The following AGBL4 variants were observed in gnomAD, a reference collection of about 807,000 sequenced individuals.
AGBL4 encodes the protein cytosolic carboxypeptidase 6.
In AGBL4, 58 loss-of-function variants were observed where a neutral mutation model predicts 66.4. The observed-to-expected ratio is 0.87, with a 90% confidence interval of 0.71 to 1.09. The LOEUF (loss-of-function observed/expected upper bound fraction) is 1.09. AGBL4 is among the 50% of genes least tolerant of loss of function. The pLI, the probability that AGBL4 is intolerant of heterozygous loss-of-function variation, is 0.00. For synonymous variants in AGBL4, 234 were observed against 222.9 expected (o/e 1.05, Z -0.44); for missense variants, 579 against 631.0 (o/e 0.92, Z 0.88).
intron 9 of AGBL4, among the ~76,000 whole-genome samples, chr1:48,621,728 A>G (rs183105094): frequency 7.3e-4 from 111 of 152,294 alleles, no homozygotes; most frequent in African/African-American, 2.5e-3. Flanking sequence ...AACATCCATT[A>G]TATGAATGTA....
At chr1:49,549,774 T>C (rs1171132370) in intron 3 of AGBL4, among the ~76,000 whole-genome samples, 1 of 152,224 alleles carries the variant, frequency 6.6e-6, no homozygotes, top group African/African-American at 2.4e-5. Flanking sequence ...GGATGAAATG[T>C]TCTGCATATA....
intron 2 of AGBL4, among the ~76,000 whole-genome samples, chr1:49,839,178 G>A (rs1645926990): frequency 6.6e-6 from 1 of 152,132 alleles, no homozygotes; most frequent in South Asian, 2.1e-4. Flanking sequence ...TATACCAGTA[G>A]ATACATAACT....
intron 3 of AGBL4, among the ~76,000 whole-genome samples, chr1:49,463,240 C>G (rs978995574): frequency 6.6e-6 from 1 of 151,628 alleles, no homozygotes; most frequent in Non-Finnish European, 1.5e-5. Flanking sequence ...TGACTTGACT[C>G]TAGCCCATGC....
intron 1 of AGBL4, among the ~76,000 whole-genome samples, chr1:49,906,116 C>CTG (rs59711282): frequency 0.083 from 12,190 of 147,268 alleles, 997 homozygotes; most frequent in African/African-American, 0.23. Context: ...AAACAGGACT[C>CTG]TGTGTGTGTG....
At chr1:49,020,978 G>C (rs776058875) in intron 5 of AGBL4, among the ~76,000 whole-genome samples, 1 of 152,144 alleles carries the variant, frequency 6.6e-6, no homozygotes, top group South Asian at 2.1e-4. Context: ...GTTAGATTCT[G>C]ATGCAAGTCT....
intron 4 of AGBL4, among the ~76,000 whole-genome samples, chr1:49,121,276 G>A (rs1038870732): frequency 5.3e-5 from 8 of 152,164 alleles, no homozygotes; most frequent in Non-Finnish European, 1.0e-4. Flanking sequence ...ATCCTTTGGA[G>A]GAGAAGAGGC....
intron 6 of AGBL4, among the ~76,000 whole-genome samples, chr1:48,804,764 A>G (rs1466804025): frequency 6.6e-6 from 1 of 152,184 alleles, no homozygotes; most frequent in Non-Finnish European, 1.5e-5. Flanking sequence ...GTCTGGTGAG[A>G]TGAAGTGAGG....
chr1:48,720,482 C>T (rs1440833562), intron 6 of AGBL4, among the ~76,000 whole-genome samples: 1 of 152,216 alleles, frequency 6.6e-6, no homozygotes, highest in Non-Finnish European at 1.5e-5. Flanking sequence ...GATGCCAGTT[C>T]AGGCTCCTCC....
At chr1:49,301,473 A>C (rs1644743791) in intron 3 of AGBL4, among the ~76,000 whole-genome samples, 1 of 152,216 alleles carries the variant, frequency 6.6e-6, no homozygotes, top group Non-Finnish European at 1.5e-5. Context: ...AAGTATGCTA[A>C]TAGTCCCTTC....
chr1:49,322,429 G>A (rs959000312), intron 3 of AGBL4, among the ~76,000 whole-genome samples: 1 of 152,194 alleles, frequency 6.6e-6, no homozygotes, highest in African/African-American at 2.4e-5. Flanking sequence ...TAGGTTGAAT[G>A]ACAGTCGTCC....
At chr1:49,103,328 T>A (rs1645236737) in intron 4 of AGBL4, among the ~76,000 whole-genome samples, 1 of 152,052 alleles carries the variant, frequency 6.6e-6, no homozygotes, top group South Asian at 2.1e-4. Flanking sequence ...TCCAGAGAGG[T>A]CAGAGGGTCA....
chr1:49,274,800 C>G (rs1326481017), intron 3 of AGBL4, among the ~76,000 whole-genome samples: 1 of 152,006 alleles, frequency 6.6e-6, no homozygotes, highest in East Asian at 1.9e-4. Context: ...TCAAGCAGAA[C>G]AAGAGTTAAT....
intron 1 of AGBL4, among the ~76,000 whole-genome samples, chr1:49,920,853 A>G (rs560194245): frequency 6.6e-5 from 10 of 152,356 alleles, no homozygotes; most frequent in South Asian, 2.1e-4. Context: ...CTGTCCATCA[A>G]TGAAAGACTG....
At chr1:49,703,708 G>A (rs1030251275) in intron 2 of AGBL4, among the ~76,000 whole-genome samples, 1 of 151,822 alleles carries the variant, frequency 6.6e-6, no homozygotes, top group Non-Finnish European at 1.5e-5. Flanking sequence ...AAAGACCCAA[G>A]CTATTGCAAT....
chr1:49,155,248 T>C (rs954286561), intron 4 of AGBL4, among the ~76,000 whole-genome samples: 1 of 152,256 alleles, frequency 6.6e-6, no homozygotes, highest in African/African-American at 2.4e-5. Flanking sequence ...TTCAAAGACA[T>C]CAGTAACTTG....
rs568016003 is a variant in AGBL4, at chr1:49,573,970, G to A, written c.282+123343C>T. Among the ~76,000 whole-genome samples the A allele has an allele frequency of 5.9e-5, 9 of 152,268 alleles. No homozygotes were observed. The South Asian group carries it at 1.9e-3, about 32-fold the overall frequency. ...ATCAGCCTGTCGATCTTTGTCTGAG[G>A]AGATAAACCCTGTGCTGCCTGAGGC... On this transcript the variant is annotated intron_variant, in intron 3 of 13. Transcript: ENST00000371839.
chr1:49,204,840 G>A (rs1372719869), intron 4 of AGBL4, among the ~76,000 whole-genome samples: 1 of 152,036 alleles, frequency 6.6e-6, no homozygotes, highest in Admixed American at 6.6e-5. Context: ...AGCTATGAGT[G>A]CTATTCAGAT....
intron 9 of AGBL4, among the ~76,000 whole-genome samples, chr1:48,614,136 G>C (rs540121908): frequency 6.6e-6 from 1 of 152,186 alleles, no homozygotes; most frequent in Admixed American, 6.5e-5. Flanking sequence ...AAACAAGGGT[G>C]AGTCAAAGAA....
At chr1:49,381,860 G>T (rs945483455) in intron 3 of AGBL4, among the ~76,000 whole-genome samples, 2 of 130,442 alleles carry the variant, frequency 1.5e-5, no homozygotes, top group East Asian at 2.1e-4. Context: ...GTGGGGGAAG[G>T]GGGGAGGGAT....
Sources: allele counts gnomAD v4.1 joint callset (sites outside exome capture counted in the v4.1 genomes callset), GRCh38; gene constraint gnomAD v4.1.1; transcripts MANE v1.5; gene names NCBI Gene and HGNC (gene_info 2026-07-23, HGNC 2026-07-21).